RBL1: variants seen among roughly 807,000 people sequenced by gnomAD.
RBL1 encodes the protein RB transcriptional corepressor like 1.
RBL1 carries 82 observed loss-of-function variants against 123.0 expected under a neutral mutation model. That is an observed-to-expected ratio of 0.67 (90% CI 0.56 to 0.80). The LOEUF is 0.80. RBL1 is among the 30% of genes least tolerant of loss of function. RBL1 has a pLI of 0.00. For synonymous variants in RBL1, 405 were observed against 441.3 expected, an observed-to-expected ratio of 0.92 and a Z score of 1.03; for missense variants, 1,171 against 1,299.6, an observed-to-expected ratio of 0.90 and a Z score of 1.52.
At chr20:37,010,919 G>C (rs2064139427) in intron 19 of RBL1, among the ~76,000 whole-genome samples, 2 of 152,172 alleles carry the variant, frequency 1.3e-5, no homozygotes, top group African/African-American at 4.8e-5. Context: ...GGATTCAAGT[G>C]ATCTTCCTGC....
At chr20:37,074,550 G>C (rs578240197) in intron 2 of RBL1, among the ~76,000 whole-genome samples, 1 of 152,188 alleles carries the variant, frequency 6.6e-6, no homozygotes, top group Admixed American at 6.6e-5. Context: ...CAATAAAAAA[G>C]ATGGATAACA....
rs547536312 is a variant in RBL1 at position 37,014,561 on chromosome 20, G to T, written c.2722+3718C>A. On this transcript the variant is annotated intron_variant, in intron 19 of 21. Transcript: ENST00000373664. Reference sequence around the variant, plus strand: ...CGCCTGTAATCCCAGCACTTTGGGAGGCCAAGGCAGATGGATCACTTGAAC... The same window carrying T: ...CGCCTGTAATCCCAGCACTTTGGGATGCCAAGGCAGATGGATCACTTGAAC... Among the ~76,000 whole-genome samples, 12 of 152,222 alleles carry T rather than the reference G, an allele frequency of 7.9e-5. No homozygotes were observed. In the South Asian group the frequency reaches 2.5e-3, roughly 32 times the overall value.
rs1471271742 is a variant in RBL1 at position 36,998,115 on chromosome 20, A to G, written c.*644T>C. On this transcript the variant is annotated 3_prime_UTR_variant, in exon 22 of 22. Transcript: ENST00000373664. ...TAGATTATTTATCCTCATATTACAG[A>G]ACACAGAAGGAGACATTTATTTTTA... 7.2e-5 allele frequency: 11 copies of G among 151,990 alleles called. No homozygotes were observed. The highest frequency in any genetic ancestry group is 7.2e-4 in the Admixed American group (11 of 15,248). 9.4% of individuals were successfully genotyped at this position (151,990 alleles called of 1,614,324 possible).
intron 9 of RBL1, among the ~76,000 whole-genome samples, chr20:37,059,689 A>G (rs1191315730): frequency 6.6e-6 from 1 of 152,082 alleles, no homozygotes; most frequent in Non-Finnish European, 1.5e-5. Context: ...TTTGATCTCT[A>G]CTTTGGAAAT....
At chr20:37,039,076 T>C (rs966643643) in intron 14 of RBL1, among the ~76,000 whole-genome samples, 2 of 152,206 alleles carry the variant, frequency 1.3e-5, no homozygotes, top group African/African-American at 4.8e-5. Context: ...TTTAACTGAT[T>C]TTTAAAAATC....
At chr20:37,037,564 G>C (rs974501335) in intron 14 of RBL1, among the ~76,000 whole-genome samples, 1 of 151,838 alleles carries the variant, frequency 6.6e-6, no homozygotes, top group African/African-American at 2.4e-5. Flanking sequence ...CTGACAGAAA[G>C]AAGAGCCTTT....
At chr20:37,045,645 C>G (rs2064808635) in intron 12 of RBL1, among the ~76,000 whole-genome samples, 2 of 151,888 alleles carry the variant, frequency 1.3e-5, no homozygotes, top group African/African-American at 4.8e-5. Context: ...AAATAAAAAC[C>G]AATTACTATG....
At chr20:37,078,668 G>T (rs1568886926) in intron 2 of RBL1, among the ~76,000 whole-genome samples, 1 of 152,128 alleles carries the variant, frequency 6.6e-6, no homozygotes, top group Non-Finnish European at 1.5e-5. Flanking sequence ...TGTCACAAAA[G>T]AACAAATATT....
At chr20:37,023,307 G>C (rs530078801) in intron 16 of RBL1, among the ~76,000 whole-genome samples, 18 of 152,108 alleles carry the variant, frequency 1.2e-4, no homozygotes, top group African/African-American at 4.3e-4. Context: ...ATTTTTAGTA[G>C]AGACAGGGCT....
At position 37,010,742 on chromosome 20, in the gene RBL1, A is replaced by G. The variant is rs182428398; in HGVS notation, c.2723-3183T>C. On this transcript the variant is annotated intron_variant, in intron 19 of 21. Transcript: ENST00000373664. ...GTGGACCATCACGGACTCAAACATC[A>G]TTATATGGCACATGACTATGTGTGT... is the stretch of plus-strand genomic sequence containing the variant. Among the ~76,000 whole-genome samples, 71 of 151,630 alleles carry G rather than the reference A, an allele frequency of 4.7e-4. 1 individual carries two copies. The South Asian group carries it at 7.1e-3, about 15-fold the overall frequency.
intron 6 of RBL1, among the ~76,000 whole-genome samples, chr20:37,066,026 A>G (rs1286133641): frequency 6.6e-6 from 1 of 152,248 alleles, no homozygotes; most frequent in Non-Finnish European, 1.5e-5. Context: ...TTTGTATAAA[A>G]GAAGAAGAAA....
At chr20:37,014,526 C>G (rs771712379) in intron 19 of RBL1, among the ~76,000 whole-genome samples, 4 of 151,982 alleles carry the variant, frequency 2.6e-5, no homozygotes, top group African/African-American at 9.7e-5. Context: ...AGGCAGTGTG[C>G]GGTGACTCAC....
At chr20:37,036,193 T>C (rs2064607711) in intron 14 of RBL1, among the ~76,000 whole-genome samples, 1 of 152,218 alleles carries the variant, frequency 6.6e-6, no homozygotes, top group South Asian at 2.1e-4. Context: ...CTTACAACCC[T>C]ACATCTTTTC....
Position 37,007,532 on chromosome 20 carries a change from T to A in RBL1, c.2750A>T (p.Asp917Val). ...CDLEDATKTPDCSSGPVKEER... is the reference protein window; with the variant it reads ...CDLEDATKTPVCSSGPVKEER... ...CTCTTTCACTGGTCCACTGGAACAG[T>A]CAGGTGTTTTTGTAGCATCTTCTAA... The change falls in exon 20 of 22, where the codon GAC becomes GTC. Residue 917 changes from aspartate (D) to valine (V), a missense_variant. By Grantham distance (152) the Asp-to-Val change is radical. Coordinates refer to ENST00000373664, the MANE Select transcript of RBL1 (RefSeq NM_002895.5). 1 of 1,613,802 alleles carries A rather than the reference T, an allele frequency of 6.2e-7. No individual in the cohort carries two copies. The highest frequency in any genetic ancestry group is 2.2e-5 in the East Asian group (1 of 44,880).
At chr20:37,026,454 C>T (rs951051351) in intron 16 of RBL1, among the ~76,000 whole-genome samples, 3 of 151,880 alleles carry the variant, frequency 2.0e-5, no homozygotes, top group Admixed American at 2.0e-4. Flanking sequence ...GCCTGTAATC[C>T]CAGCACTTTG....
At chr20:37,042,270 C>T (rs1410506112) in intron 13 of RBL1, among the ~76,000 whole-genome samples, 2 of 151,950 alleles carry the variant, frequency 1.3e-5, no homozygotes, top group Non-Finnish European at 2.9e-5. Context: ...ATGCAAACAG[C>T]TTACAAGCAC....
intron 7 of RBL1, among the ~76,000 whole-genome samples, chr20:37,063,089 T>C (rs1017465151): frequency 6.6e-6 from 1 of 152,200 alleles, no homozygotes; most frequent in Non-Finnish European, 1.5e-5. Context: ...GGCTGTTTTT[T>C]GTTTTTAAGA....
intron 19 of RBL1, among the ~76,000 whole-genome samples, chr20:37,008,204 G>A (rs1337153374): frequency 1.3e-5 from 2 of 152,300 alleles, no homozygotes; most frequent in East Asian, 1.9e-4. Context: ...GGGAGGCAGT[G>A]GCAAACCTCA....
chr20:37,064,881 C>G (rs1042435946), intron 7 of RBL1, among the ~76,000 whole-genome samples: 1 of 151,934 alleles, frequency 6.6e-6, no homozygotes, highest in Non-Finnish European at 1.5e-5. Context: ...CCGCCTTGGC[C>G]TCCCAAAGTG....
Sources: allele counts gnomAD v4.1 joint callset (sites outside exome capture counted in the v4.1 genomes callset), GRCh38; gene constraint gnomAD v4.1.1; transcripts MANE v1.5; gene names NCBI Gene and HGNC (gene_info 2026-07-23, HGNC 2026-07-21).